The following AFG2A variants were observed in gnomAD, a reference collection of about 807,000 sequenced individuals.
AFG2A encodes the protein AAA ATPase AFG2A.
the AFG2A span, among the ~76,000 whole-genome samples, chr4:123,104,948 G>GA: frequency 6.6e-6 from 1 of 152,206 alleles, no homozygotes; most frequent in African/African-American, 2.4e-5. Context: ...CAGTTATACA[G>GA]AAAATCTAGC....
At chr4:122,936,873 G>C in the AFG2A span, among the ~76,000 whole-genome samples, 3 of 152,116 alleles carry the variant, frequency 2.0e-5, no homozygotes, top group Non-Finnish European at 4.4e-5. Flanking sequence ...CCAGCTACTC[G>C]GGAGGCTGAG....
the AFG2A span, among the ~76,000 whole-genome samples, chr4:122,945,777 G>A: frequency 6.6e-6 from 1 of 152,148 alleles, no homozygotes; most frequent in Admixed American, 6.5e-5. Flanking sequence ...GTTCCTGTTC[G>A]GCCATCTTGG....
the AFG2A span, among the ~76,000 whole-genome samples, chr4:123,101,889 A>G: frequency 6.6e-6 from 1 of 152,052 alleles, no homozygotes; most frequent in East Asian, 1.9e-4. Context: ...GAAACAAGCA[A>G]TGGAAGAGTA....
chr4:123,051,133 T>A, the AFG2A span, among the ~76,000 whole-genome samples: 253 of 150,776 alleles, frequency 1.7e-3, 1 homozygote, highest in Middle Eastern at 0.014. Context: ...ACCATTTCGA[T>A]ACATTTTTTT....
the AFG2A span, among the ~76,000 whole-genome samples, chr4:123,230,761 A>G: frequency 6.6e-6 from 1 of 151,962 alleles, no homozygotes; most frequent in Non-Finnish European, 1.5e-5. Context: ...AAGACTTGGA[A>G]GTCTAAATTA....
At chr4:123,049,302 G>A in the AFG2A span, among the ~76,000 whole-genome samples, 1 of 152,020 alleles carries the variant, frequency 6.6e-6, no homozygotes, top group African/African-American at 2.4e-5. Flanking sequence ...GTTTATCGGG[G>A]ATATTGATAG....
At chr4:123,160,479 G>C in the AFG2A span, among the ~76,000 whole-genome samples, 15 of 152,222 alleles carry the variant, frequency 9.9e-5, no homozygotes, top group Admixed American at 6.5e-4. Context: ...TCCTTTGGTG[G>C]TATTCTGTGA....
chr4:123,222,634 G>A, the AFG2A span, among the ~76,000 whole-genome samples: 1 of 152,072 alleles, frequency 6.6e-6, no homozygotes, highest in Non-Finnish European at 1.5e-5. Context: ...TAGATGTGTA[G>A]AACTTAACTG....
At chr4:123,255,802 G>C in the AFG2A span, among the ~76,000 whole-genome samples, 1 of 146,612 alleles carries the variant, frequency 6.8e-6, no homozygotes, top group Admixed American at 7.0e-5. Flanking sequence ...TTACAGGCGT[G>C]AGCCACCGCG....
chr4:123,258,535 C>T, the AFG2A span, among the ~76,000 whole-genome samples: 7 of 152,026 alleles, frequency 4.6e-5, no homozygotes, highest in Non-Finnish European at 1.0e-4. Context: ...CAAGAGGAGC[C>T]CTCTAACTCC....
chr4:123,007,550 ATGTGTGTGTGTGTGTATATGTGTGTG>A, the AFG2A span, among the ~76,000 whole-genome samples: 77 of 89,682 alleles, frequency 8.6e-4, no homozygotes, highest in South Asian at 2.9e-3. Flanking sequence ...ATGTGTATGT[ATGTGTGTGTGTGTGTATATGTGTGTG>A]TGTGTGTGTG....
chr4:123,151,894 A>G, the AFG2A span, among the ~76,000 whole-genome samples: 1 of 152,226 alleles, frequency 6.6e-6, no homozygotes, highest in Non-Finnish European at 1.5e-5. Flanking sequence ...CATCAATGAT[A>G]GACTGAAATA....
chr4:122,923,091 C>G, the AFG2A span: 3 of 1,606,842 alleles, frequency 1.9e-6, no homozygotes, highest in African/African-American at 1.3e-5. Flanking sequence ...TCAGTTGAAG[C>G]GCGCACATTG....
the AFG2A span, among the ~76,000 whole-genome samples, chr4:122,966,958 A>G: frequency 6.6e-6 from 1 of 152,150 alleles, no homozygotes; most frequent in Non-Finnish European, 1.5e-5. Flanking sequence ...GTGCCCATGA[A>G]AGAGTAACTC....
At chr4:123,141,433 C>T in the AFG2A span, among the ~76,000 whole-genome samples, 1 of 152,112 alleles carries the variant, frequency 6.6e-6, no homozygotes, top group African/African-American at 2.4e-5. Flanking sequence ...CTGCACTCTC[C>T]AGTCTGGGTG....
the AFG2A span, among the ~76,000 whole-genome samples, chr4:123,194,537 C>T: frequency 9.9e-5 from 15 of 152,006 alleles, no homozygotes; most frequent in Non-Finnish European, 2.1e-4. Flanking sequence ...TTTTAAAAAA[C>T]GTATTTTCTC....
At chr4:123,051,970 C>T in the AFG2A span, among the ~76,000 whole-genome samples, 5 of 152,102 alleles carry the variant, frequency 3.3e-5, no homozygotes, top group South Asian at 1.0e-3. Context: ...CCTTCATGTA[C>T]CTGGATATTT....
At chr4:123,145,633 A>G in the AFG2A span, among the ~76,000 whole-genome samples, 1 of 152,102 alleles carries the variant, frequency 6.6e-6, no homozygotes, top group East Asian at 1.9e-4. Context: ...GGTGACATTA[A>G]CAGTTTCCAA....
At chr4:123,007,599 T>TG in the AFG2A span, among the ~76,000 whole-genome samples, 1 of 24,448 alleles carries the variant, frequency 4.1e-5, no homozygotes, top group African/African-American at 2.7e-4. Flanking sequence ...TGTGTGTGTG[T>TG]GTGTGTGTGT....
Sources: allele counts gnomAD v4.1 joint callset (sites outside exome capture counted in the v4.1 genomes callset), GRCh38; gene constraint gnomAD v4.1.1; transcripts MANE v1.5; gene names NCBI Gene and HGNC (gene_info 2026-07-23, HGNC 2026-07-21).